The following ENTREP2 variants were observed in gnomAD, a reference collection of about 807,000 sequenced individuals.
ENTREP2 encodes protein ENTREP2.
the ENTREP2 span, among the ~76,000 whole-genome samples, chr15:29,670,522 G>A: frequency 6.6e-6 from 1 of 152,118 alleles, no homozygotes; most frequent in Non-Finnish European, 1.5e-5. Context: ...CACTTAAGAG[G>A]TTGTTGGGCT....
At chr15:29,349,063 T>C in the ENTREP2 span, among the ~76,000 whole-genome samples, 1 of 152,222 alleles carries the variant, frequency 6.6e-6, no homozygotes, top group Non-Finnish European at 1.5e-5. Flanking sequence ...GATTCACAGC[T>C]GATCTGGGGC....
At chr15:29,237,653 G>A in the ENTREP2 span, among the ~76,000 whole-genome samples, 1 of 152,136 alleles carries the variant, frequency 6.6e-6, no homozygotes, top group African/African-American at 2.4e-5. Flanking sequence ...AACAAAGTCA[G>A]AAAAGAAACG....
the ENTREP2 span, among the ~76,000 whole-genome samples, chr15:29,635,553 C>T: frequency 2.0e-5 from 3 of 152,104 alleles, no homozygotes; most frequent in Non-Finnish European, 4.4e-5. Flanking sequence ...GACTAGGCCA[C>T]GATGACCCAT....
At chr15:29,563,660 G>A in the ENTREP2 span, among the ~76,000 whole-genome samples, 5 of 152,006 alleles carry the variant, frequency 3.3e-5, no homozygotes, top group East Asian at 5.8e-4. Context: ...GCAAAACCAC[G>A]TCTCTACTAA....
chr15:29,207,035 C>T, the ENTREP2 span, among the ~76,000 whole-genome samples: 60 of 152,264 alleles, frequency 3.9e-4, 1 homozygote, highest in Middle Eastern at 3.4e-3. Flanking sequence ...AGCCACTTTC[C>T]CGCGAGTGGC....
the ENTREP2 span, among the ~76,000 whole-genome samples, chr15:29,496,963 CA>C: frequency 6.6e-6 from 1 of 152,096 alleles, no homozygotes; most frequent in Non-Finnish European, 1.5e-5. Context: ...ATATGCCCTC[CA>C]AAGTTAATGT....
the ENTREP2 span, among the ~76,000 whole-genome samples, chr15:29,434,762 G>A: frequency 1.3e-4 from 20 of 152,260 alleles, no homozygotes; most frequent in Non-Finnish European, 2.5e-4. Flanking sequence ...GCAGGGCGGT[G>A]GCAGTGCACA....
the ENTREP2 span, among the ~76,000 whole-genome samples, chr15:29,486,966 G>A: frequency 2.0e-5 from 3 of 152,106 alleles, no homozygotes; most frequent in Non-Finnish European, 4.4e-5. Context: ...GAATTCTGGT[G>A]TTCTATAGCA....
At chr15:29,419,282 A>G in the ENTREP2 span, among the ~76,000 whole-genome samples, 2 of 152,226 alleles carry the variant, frequency 1.3e-5, no homozygotes, top group Non-Finnish European at 2.9e-5. Context: ...CCAGATAACT[A>G]TAATTGGTAA....
At chr15:29,536,001 C>T in the ENTREP2 span, among the ~76,000 whole-genome samples, 1 of 152,152 alleles carries the variant, frequency 6.6e-6, no homozygotes, top group East Asian at 1.9e-4. Context: ...CCAACAGCCA[C>T]GTTCCCTCTT....
chr15:29,570,600 G>A, the ENTREP2 span: 1 of 1,461,960 alleles, frequency 6.8e-7, no homozygotes, highest in South Asian at 1.3e-5. Context: ...AGGCATCCGA[G>A]CGCCATCTGC....
chr15:29,576,526 T>A, the ENTREP2 span, among the ~76,000 whole-genome samples: 1 of 152,198 alleles, frequency 6.6e-6, no homozygotes, highest in Non-Finnish European at 1.5e-5. Context: ...GTCAAGAAAG[T>A]GAAAAGACAA....
the ENTREP2 span, among the ~76,000 whole-genome samples, chr15:29,521,125 T>C: frequency 2.0e-5 from 3 of 152,150 alleles, no homozygotes; most frequent in African/African-American, 7.2e-5. Flanking sequence ...GAGTAAAGGA[T>C]GGGATGCTGC....
chr15:29,317,991 T>C, the ENTREP2 span, among the ~76,000 whole-genome samples: 1 of 152,196 alleles, frequency 6.6e-6, no homozygotes, highest in East Asian at 1.9e-4. Context: ...TGTTTCTGAA[T>C]GTCCACCGAA....
At chr15:29,326,409 C>T in the ENTREP2 span, among the ~76,000 whole-genome samples, 1 of 152,060 alleles carries the variant, frequency 6.6e-6, no homozygotes, top group Non-Finnish European at 1.5e-5. Flanking sequence ...AAGTCAATTG[C>T]TTTCCCATAT....
the ENTREP2 span, among the ~76,000 whole-genome samples, chr15:29,308,763 A>G: frequency 3.3e-5 from 5 of 152,220 alleles, no homozygotes; most frequent in Admixed American, 2.6e-4. Context: ...TACTGTTTTC[A>G]GTTAAAGACC....
At chr15:29,619,082 C>T in the ENTREP2 span, among the ~76,000 whole-genome samples, 1 of 152,170 alleles carries the variant, frequency 6.6e-6, no homozygotes, top group Non-Finnish European at 1.5e-5. Flanking sequence ...CTTTGTGTGT[C>T]AGGCATGTGC....
At chr15:29,151,892 A>T in the ENTREP2 span, 6 of 1,395,208 alleles carry the variant, frequency 4.3e-6, no homozygotes, top group Non-Finnish European at 5.9e-6. Context: ...AATAGATAGC[A>T]GAATCCTTAG....
At chr15:29,418,505 C>T in the ENTREP2 span, among the ~76,000 whole-genome samples, 1 of 152,098 alleles carries the variant, frequency 6.6e-6, no homozygotes, top group Non-Finnish European at 1.5e-5. Context: ...CCCGAAGGTG[C>T]TATATAAATA....
Sources: gnomAD v4.1 joint callset for allele counts (sites outside exome capture counted in the v4.1 genomes callset) on GRCh38, gnomAD v4.1.1 for gene constraint, MANE v1.5 for transcripts, NCBI Gene and HGNC (gene_info 2026-07-23, HGNC 2026-07-21) for gene names.